PREP: variants seen among roughly 807,000 people sequenced by gnomAD.
PREP encodes dJ355L5.1 (prolyl endopeptidase).
PREP carries 29 observed loss-of-function variants against 87.6 expected under a neutral mutation model. The ratio of observed to expected loss-of-function variants is 0.33; its 90% confidence interval spans 0.25 to 0.45. PREP has a LOEUF of 0.45. PREP is among the 20% of genes least tolerant of loss of function. The probability of loss-of-function intolerance (pLI) is 1.00; values close to 1 mark genes in which losing one functional copy is unlikely to be tolerated. For synonymous variants in PREP, 337 were observed against 328.6 expected (o/e 1.03, Z -0.28); for missense variants, 695 against 886.5 (o/e 0.78, Z 2.74).
At chr6:105,281,699 C>A in intron 14 of PREP, 47 bp downstream of exon 14, 1 of 1,588,820 alleles carries the variant, frequency 6.3e-7, no homozygotes, top group Non-Finnish European at 8.6e-7. Context: ...CTGTGTTCAA[C>A]TTTATATCAA....
chr6:105,399,210 A>G (rs550179008), intron 1 of PREP, among the ~76,000 whole-genome samples: 19 of 152,322 alleles, frequency 1.2e-4, no homozygotes, highest in Non-Finnish European at 2.6e-4. Flanking sequence ...CTTCTTGTAT[A>G]AAGCTGTTGG....
intron 14 of PREP, among the ~76,000 whole-genome samples, chr6:105,280,115 G>GCAAA (rs1366179922): frequency 2.0e-5 from 3 of 152,282 alleles, no homozygotes; most frequent in African/African-American, 2.4e-5. Context: ...GCCATAAAAA[G>GCAAA]CAAACAAAAT....
chr6:105,346,917 A>G (rs1771812497), intron 7 of PREP, among the ~76,000 whole-genome samples: 1 of 152,234 alleles, frequency 6.6e-6, no homozygotes, highest in African/African-American at 2.4e-5. Context: ...CCTGGCCAAC[A>G]TGGCGAAACC....
chr6:105,283,615 C>G (rs1414516087), intron 12 of PREP, among the ~76,000 whole-genome samples: 1 of 152,106 alleles, frequency 6.6e-6, no homozygotes, highest in African/African-American at 2.4e-5. Flanking sequence ...GGGTATATGA[C>G]TACATTTTAA....
In PREP at chr6:105,285,895, C is replaced by A. The variant is rs57790730; in HGVS notation, c.1455-315G>T. Reference sequence around the variant, plus strand: ...GGCTCAAGTGATCCTTCTGCCTCAGCCTCCTGAGTAGCTGGAATTACAGGT... The same window carrying A: ...GGCTCAAGTGATCCTTCTGCCTCAGACTCCTGAGTAGCTGGAATTACAGGT... On this transcript the variant is annotated intron_variant, in intron 11 of 14. Transcript: ENST00000652536. 3.6e-3 allele frequency among the ~76,000 whole-genome samples: 548 copies of A among 152,312 alleles called. 7 individuals are homozygous for A. Among genetic ancestry groups the A allele is most frequent in the East Asian group, 0.03 (158 of 5,182 alleles).
At chr6:105,280,120 C>A (rs1464016482) in intron 14 of PREP, among the ~76,000 whole-genome samples, 1 of 152,072 alleles carries the variant, frequency 6.6e-6, no homozygotes, top group African/African-American at 2.4e-5. Context: ...AAAAAGCAAA[C>A]AAAATGAAAG....
At position 105,373,539 on chromosome 6, in the gene PREP, C is replaced by T. The variant is rs1029295306; in HGVS notation, c.425G>A (p.Gly142Asp). 5.0e-6 allele frequency: 8 copies of T among 1,614,194 alleles called. No individual in the cohort carries two copies. Among genetic ancestry groups the T allele is most frequent in the Non-Finnish European group, 5.9e-6 (7 of 1,180,030 alleles). ...FSEDGEYFAY[G>D]LSASGSDWVT... ...CCAGTCTGAGCCACTGGCACTCAGA[C>T]CATAGGCAAAATATTCACCATCTTC... is the stretch of plus-strand genomic sequence containing the variant. Residue 142 changes from glycine (G) to aspartate (D), a missense_variant, in exon 5 of 15, where the codon GGT becomes GAT. Physicochemically the swap from Gly to Asp is moderately conservative, Grantham distance 94. This residue lies in a region of PREP where 517 missense variants were observed against 620.3 expected (regional missense o/e 0.83). Transcript: ENST00000652536.
rs180683173 is a variant in PREP, at chr6:105,306,796, C to T, written c.1317+16869G>A. Among the ~76,000 whole-genome samples, 36 of 149,336 alleles carry T rather than the reference C, an allele frequency of 2.4e-4. No homozygotes were observed. The East Asian group carries it at 6.0e-3, about 25-fold the overall frequency. On this transcript the variant is annotated intron_variant, in intron 10 of 14. Coordinates refer to ENST00000652536, the MANE Select transcript of PREP (RefSeq NM_002726.5). ...CTTCACAACTTTCCCTGGAACCTGA[C>T]TCTAATTCTCTAAGCACCTGGTAGG...
chr6:105,323,802 G>C (rs776853397), intron 9 of PREP, 34 bp from the exon 10 acceptor site: 1 of 1,530,058 alleles, frequency 6.5e-7, no homozygotes. Context: ...TTTAGTCTAC[G>C]GGACTCACTA....
chr6:105,371,500 C>CAAAAAAA (rs528772896), intron 5 of PREP, among the ~76,000 whole-genome samples: 2 of 44,802 alleles, frequency 4.5e-5, no homozygotes, highest in Non-Finnish European at 9.4e-5. Context: ...GATTCCATCT[C>CAAAAAAA]AAAAAAAAAA....
At chr6:105,401,187 T>C (rs1773420833) in intron 1 of PREP, among the ~76,000 whole-genome samples, 2 of 152,228 alleles carry the variant, frequency 1.3e-5, no homozygotes, top group South Asian at 4.1e-4. Context: ...TCATGAAATA[T>C]CAAACATAAA....
intron 2 of PREP, among the ~76,000 whole-genome samples, chr6:105,397,078 G>C (rs544144010): frequency 4.0e-5 from 6 of 151,596 alleles, no homozygotes; most frequent in Admixed American, 3.3e-4. Flanking sequence ...CCAGCTACTC[G>C]GGAGGCTGAG....
chr6:105,384,428 C>G (rs562702237), intron 2 of PREP, among the ~76,000 whole-genome samples: 1 of 152,316 alleles, frequency 6.6e-6, no homozygotes, highest in East Asian at 1.9e-4. Flanking sequence ...GAGGTTTACC[C>G]TCTTTCTCCA....
chr6:105,391,883 C>T (rs1438268908), intron 2 of PREP, among the ~76,000 whole-genome samples: 1 of 152,094 alleles, frequency 6.6e-6, no homozygotes, highest in Non-Finnish European at 1.5e-5. Flanking sequence ...GGAAGTCAAC[C>T]ACATGTTATT....
At chr6:105,283,128 C>G (rs552160499) in intron 12 of PREP, among the ~76,000 whole-genome samples, 8 of 152,190 alleles carry the variant, frequency 5.3e-5, no homozygotes, top group Non-Finnish European at 1.2e-4. Context: ...GAAAGAAATT[C>G]CCCAGTCTTG....
At chr6:105,389,689 G>C (rs1562227808) in intron 2 of PREP, among the ~76,000 whole-genome samples, 1 of 152,168 alleles carries the variant, frequency 6.6e-6, no homozygotes. Flanking sequence ...GTAGTGGCCA[G>C]ATGGGGAAAG....
chr6:105,292,140 T>G (rs2114618670), intron 10 of PREP, among the ~76,000 whole-genome samples: 1 of 152,298 alleles, frequency 6.6e-6, no homozygotes, highest in Middle Eastern at 3.4e-3. Flanking sequence ...AATGCAGATA[T>G]TCTGACCTCC....
intron 11 of PREP, among the ~76,000 whole-genome samples, chr6:105,286,122 T>C (rs1770185070): frequency 6.6e-6 from 1 of 152,176 alleles, no homozygotes; most frequent in Non-Finnish European, 1.5e-5. Context: ...TTTTTCTACG[T>C]TGATAAATAT....
intron 1 of PREP, among the ~76,000 whole-genome samples, chr6:105,402,418 T>TCACACACACACACACACACACACACA (rs36086068): frequency 2.0e-5 from 3 of 147,130 alleles, no homozygotes; most frequent in African/African-American, 7.4e-5. Context: ...AAATGTGACA[T>TCACACACACACACACACACACACACA]CACACACACA....
Sources: gnomAD v4.1 joint callset for allele counts (sites outside exome capture counted in the v4.1 genomes callset) on GRCh38, gnomAD v4.1.1 for gene constraint, gnomAD v4.1.1 regional missense constraint, MANE v1.5 for transcripts, NCBI Gene and HGNC (gene_info 2026-07-23, HGNC 2026-07-21) for gene names.